NFATC1: variants seen among roughly 807,000 people sequenced by gnomAD.
NFATC1 encodes the protein nuclear factor of activated T-cells, cytoplasmic 1.
A neutral mutation model predicts 76.0 loss-of-function variants in NFATC1; 22 were observed. The ratio of observed to expected loss-of-function variants is 0.29; its 90% CI spans 0.21 to 0.41. The LOEUF is 0.41. Among genes scored for constraint, NFATC1 ranks in the 10% least tolerant of loss-of-function variants. The pLI, the probability that NFATC1 is intolerant of heterozygous loss-of-function variation, is 1.00. For synonymous variants in NFATC1, 704 were observed against 613.1 expected (o/e 1.15, Z -2.19); for missense variants, 1,357 against 1,337.7 (o/e 1.01, Z -0.23).
Position 79,519,491 on chromosome 18 carries a change from T to C in NFATC1, c.2783-8037T>C, listed in dbSNP as rs188278971. 3.5e-3 allele frequency among the ~76,000 whole-genome samples: 537 copies of C among 152,066 alleles called. 2 individuals are homozygous for C. The highest frequency in any genetic ancestry group is 0.012 in the African/African-American group (506 of 41,496). On this transcript the variant is annotated intron_variant, in intron 9 of 9. Coordinates refer to ENST00000427363, the MANE Select transcript of NFATC1 (RefSeq NM_001278669.2). ...GGGACCACAGGTGCACACCACCATG[T>C]CTGGCTAATTTTTACATTTGTTTGT... is the stretch of plus-strand genomic sequence containing the variant.
At chr18:79,407,532 C>T (rs2148168912) in intron 1 of NFATC1, among the ~76,000 whole-genome samples, 1 of 152,364 alleles carries the variant, frequency 6.6e-6, no homozygotes, top group East Asian at 1.9e-4. Context: ...ACTGCAACCT[C>T]TGCCTCCTGG....
chr18:79,439,866 T>C (rs1211039544), intron 3 of NFATC1, among the ~76,000 whole-genome samples: 1 of 152,238 alleles, frequency 6.6e-6, no homozygotes, highest in Non-Finnish European at 1.5e-5. Context: ...GCAGATTCGC[T>C]GTGTCAGGAG....
intron 9 of NFATC1, among the ~76,000 whole-genome samples, chr18:79,508,337 GC>G (rs1414870048): frequency 1.3e-5 from 2 of 152,180 alleles, no homozygotes; most frequent in African/African-American, 4.8e-5. Context: ...TCGTCACCTG[GC>G]AGTTCGCTCG....
In NFATC1 at chr18:79,486,780, G is replaced by A. The variant is rs563975116; in HGVS notation, c.2625G>A (p.Pro875=). ...SPACPPATGR[P]QHLPSTVRRD... is the part of the protein sequence containing the mutation. ...CGTGCCCGCCCGCCACGGGCCGCCCGCAGCACCTGCCGTCCACGGTCCGCA... is the reference window on the plus strand; with the variant it reads ...CGTGCCCGCCCGCCACGGGCCGCCCACAGCACCTGCCGTCCACGGTCCGCA... Residue 875 remains proline (P), a synonymous_variant, in exon 9 of 10, where the codon CCG becomes CCA. Coordinates refer to ENST00000427363, the MANE Select transcript of NFATC1 (RefSeq NM_001278669.2). 5.9e-5 allele frequency: 95 copies of A among 1,608,492 alleles called. No individual in the cohort carries two copies. The highest frequency in any genetic ancestry group is 2.7e-4 in the East Asian group (12 of 44,754).
chr18:79,458,805 C>T (rs765922369), intron 6 of NFATC1, among the ~76,000 whole-genome samples: 2 of 152,258 alleles, frequency 1.3e-5, no homozygotes, highest in South Asian at 2.1e-4. Flanking sequence ...GCCGGCGGGA[C>T]GCGGCCCTGC....
intron 3 of NFATC1, 51 bp from the exon 4 acceptor site, chr18:79,448,731 C>A (rs148524888): frequency 1.3e-6 from 2 of 1,575,212 alleles, no homozygotes; most frequent in Non-Finnish European, 8.7e-7. Flanking sequence ...CGGTGACTCC[C>A]GGCGGTCTGT....
intron 6 of NFATC1, among the ~76,000 whole-genome samples, chr18:79,452,985 A>G (rs918976050): frequency 6.6e-6 from 1 of 152,252 alleles, no homozygotes; most frequent in Non-Finnish European, 1.5e-5. Context: ...AATCGGCTTT[A>G]GAGGTCTTTG....
At chr18:79,457,335 G>C (rs1374070299) in intron 6 of NFATC1, among the ~76,000 whole-genome samples, 1 of 152,158 alleles carries the variant, frequency 6.6e-6, no homozygotes, top group African/African-American at 2.4e-5. Context: ...TGACCCCACA[G>C]TTCTCATCAA....
Position 79,410,855 on chromosome 18 carries a change from T to G in NFATC1, c.580T>G (p.Ser194Ala). The G allele has an allele frequency of 1.2e-6, 2 of 1,610,452 alleles. No homozygotes were observed. Among genetic ancestry groups the G allele is most frequent in the East Asian group, 4.5e-5 (2 of 44,788 alleles). Residue 194 changes from serine to alanine, a missense_variant, in exon 2 of 10, where the codon TCG becomes GCG. This residue lies in a region of NFATC1 where 691 missense variants were observed against 613.1 expected (regional missense o/e 1.13). Transcript: ENST00000427363. This position sits in a 1 kb window ranked among gnomAD's most constrained non-coding sequence, Gnocchi z 6.7. Reference sequence around the variant, plus strand: ...GGCCTCCTCCTACGAGTCCAACTACTCGTACCCGTACGCGTCCCCCCAGAC... The same window carrying G: ...GGCCTCCTCCTACGAGTCCAACTACGCGTACCCGTACGCGTCCCCCCAGAC... Reference protein sequence around the residue: ...SEASSYESNYSYPYASPQTSP... With the variant: ...SEASSYESNYAYPYASPQTSP...
chr18:79,516,739 C>T (rs533825431), intron 9 of NFATC1, among the ~76,000 whole-genome samples: 2 of 152,300 alleles, frequency 1.3e-5, no homozygotes, highest in South Asian at 4.1e-4. Flanking sequence ...TCTTCAGTTA[C>T]CTTGGCGCAC....
chr18:79,416,822 T>TC (rs886547715), intron 2 of NFATC1, among the ~76,000 whole-genome samples: 1 of 151,328 alleles, frequency 6.6e-6, no homozygotes, highest in Non-Finnish European at 1.5e-5. Flanking sequence ...TGCTGGGGAG[T>TC]CCCCCGCACA....
chr18:79,425,671 G>A (rs565692694), intron 2 of NFATC1, among the ~76,000 whole-genome samples: 16 of 122,788 alleles, frequency 1.3e-4, no homozygotes, highest in Admixed American at 1.0e-3. Flanking sequence ...CGGCGGAGTC[G>A]GGGCGACTCA....
chr18:79,431,054 C>T (rs949987209), intron 2 of NFATC1, among the ~76,000 whole-genome samples: 7 of 152,228 alleles, frequency 4.6e-5, no homozygotes, highest in Admixed American at 2.0e-4. Context: ...CATGAAGCTG[C>T]GTCTTGGAGA....
In NFATC1 at chr18:79,448,943, C is replaced by T. The variant is rs866328336; in HGVS notation, c.1548C>T (p.Val516=). The T allele has an allele frequency of 6.2e-7, 1 of 1,613,606 alleles. No individual in the cohort carries two copies. Among genetic ancestry groups the T allele is most frequent in the Non-Finnish European group, 8.5e-7 (1 of 1,180,030 alleles). The change falls in exon 4 of 10, where the codon GTC becomes GTT. Residue 516 remains valine (V), a synonymous_variant. Transcript: ENST00000427363. The part of the protein sequence containing the change: ...SHEAILSNTK[V]LEIPLLPENS... Reference sequence around the variant, plus strand: ...AGGCCATCCTCTCCAACACCAAAGTCCTGGAGATCCCACTCCTGCCGGAGA... The same window carrying T: ...AGGCCATCCTCTCCAACACCAAAGTTCTGGAGATCCCACTCCTGCCGGAGA...
At chr18:79,447,893 ACT>A (rs776783796) in intron 3 of NFATC1, among the ~76,000 whole-genome samples, 2 of 152,322 alleles carry the variant, frequency 1.3e-5, no homozygotes, top group Non-Finnish European at 2.9e-5. Context: ...ACGGCACCAC[ACT>A]CTGTGTTTAC....
At chr18:79,476,571 A>G (rs893897) in intron 8 of NFATC1, among the ~76,000 whole-genome samples, 63,053 of 151,682 alleles carry the variant, frequency 0.42, 13,864 homozygotes, top group Middle Eastern at 0.62. Flanking sequence ...GCCACCTGAG[A>G]CCCCCATCAA....
At chr18:79,403,991 G>A (rs1335897527) in intron 1 of NFATC1, among the ~76,000 whole-genome samples, 3 of 152,224 alleles carry the variant, frequency 2.0e-5, no homozygotes, top group Non-Finnish European at 2.9e-5. Flanking sequence ...ATCCCCTGAC[G>A]TTCTAGAGGT....
chr18:79,403,465 C>T (rs1447491873), intron 1 of NFATC1, among the ~76,000 whole-genome samples: 1 of 152,212 alleles, frequency 6.6e-6, no homozygotes, highest in Non-Finnish European at 1.5e-5. Flanking sequence ...CCGCTCCCTT[C>T]TGGGGCTCAG....
At chr18:79,416,125 T>C (rs558510292) in intron 2 of NFATC1, among the ~76,000 whole-genome samples, 1 of 152,342 alleles carries the variant, frequency 6.6e-6, no homozygotes, top group African/African-American at 2.4e-5. Context: ...TATTGAAGAT[T>C]TTAGCATATC....
Sources: allele counts gnomAD v4.1 joint callset (sites outside exome capture counted in the v4.1 genomes callset), GRCh38; gene constraint gnomAD v4.1.1; regional missense constraint gnomAD v4.1.1; non-coding constraint Gnocchi (gnomAD v3.1); transcripts MANE v1.5; gene names NCBI Gene and HGNC (gene_info 2026-07-23, HGNC 2026-07-21).